RBM33: variants seen among roughly 807,000 people sequenced by gnomAD.
RBM33 encodes the protein RNA-binding protein 33.
A neutral mutation model predicts 132.6 loss-of-function variants in RBM33; 28 were observed. That is an observed-to-expected ratio of 0.21 (90% CI 0.16 to 0.29). The LOEUF (loss-of-function observed/expected upper bound fraction) is 0.29. Among genes scored for constraint, RBM33 ranks in the 10% least tolerant of loss-of-function variants. The pLI is 1.00. For synonymous variants in RBM33, 634 were observed against 593.0 expected (o/e 1.07, Z -1.01); for missense variants, 1,291 against 1,518.5 (o/e 0.85, Z 2.49).
intron 1 of RBM33, among the ~76,000 whole-genome samples, chr7:155,661,432 G>C (rs796348216): frequency 6.5e-4 from 92 of 140,516 alleles, no homozygotes; most frequent in African/African-American, 2.3e-3. Flanking sequence ...TTCCCAGACA[G>C]AGTCTTGCTC....
At chr7:155,662,809 T>A (rs1798690143) in intron 1 of RBM33, among the ~76,000 whole-genome samples, 2 of 148,162 alleles carry the variant, frequency 1.3e-5, no homozygotes, top group South Asian at 4.3e-4. Context: ...AATGGGTAGG[T>A]GGGGGTGGGA....
chr7:155,713,061 C>T (rs1800352882), intron 8 of RBM33, among the ~76,000 whole-genome samples: 1 of 151,902 alleles, frequency 6.6e-6, no homozygotes, highest in South Asian at 2.1e-4. Context: ...GAAGATGGGG[C>T]CGATGGGATT....
At chr7:155,668,150 G>A (rs1002134774) in intron 2 of RBM33, among the ~76,000 whole-genome samples, 2 of 151,902 alleles carry the variant, frequency 1.3e-5, no homozygotes, top group East Asian at 1.9e-4. Context: ...GTATGTAGAC[G>A]CATATATATC....
chr7:155,711,327 G>A lies in RBM33; in HGVS notation c.1073G>A (p.Gly358Glu). 1 of 1,605,222 alleles carries A rather than the reference G, an allele frequency of 6.2e-7. No homozygotes were observed. The highest frequency in any genetic ancestry group is 8.5e-7 in the Non-Finnish European group (1 of 1,176,216). The change falls in exon 8 of 18, where the codon GGA (glycine) becomes GAA (glutamate). Residue 358 changes from glycine to glutamate, a missense_variant. Gly to Glu is a moderately conservative substitution (Grantham distance 98, BLOSUM62 -2). Coordinates refer to ENST00000401878, the MANE Select transcript of RBM33 (RefSeq NM_053043.3). ...QHPHHPSPPQGMHMPPQLETP... is the reference protein window; with the variant it reads ...QHPHHPSPPQEMHMPPQLETP... The stretch of plus-strand genomic sequence containing the variant: ...CCGCACCACCCATCCCCGCCTCAGG[G>A]AATGCACATGCCTCCCCAGCTAGAG...
At chr7:155,704,394 C>G (rs776411153) in intron 6 of RBM33, among the ~76,000 whole-genome samples, 1 of 152,186 alleles carries the variant, frequency 6.6e-6, no homozygotes, top group Non-Finnish European at 1.5e-5. Context: ...TAATTCATTA[C>G]ATACAGAGGA....
intron 5 of RBM33, chr7:155,684,837 C>A: frequency 7.3e-7 from 1 of 1,363,338 alleles, no homozygotes; most frequent in Non-Finnish European, 9.9e-7. Flanking sequence ...AAACTTTCTA[C>A]AATTATTAAG....
intron 8 of RBM33, among the ~76,000 whole-genome samples, chr7:155,712,438 A>G (rs1800333428): frequency 6.6e-6 from 1 of 152,234 alleles, no homozygotes; most frequent in Non-Finnish European, 1.5e-5. Context: ...CAACCATGAT[A>G]TTACTTTCTA....
intron 1 of RBM33, among the ~76,000 whole-genome samples, chr7:155,654,257 A>G (rs1323941295): frequency 1.3e-5 from 2 of 152,118 alleles, no homozygotes; most frequent in Non-Finnish European, 2.9e-5. Flanking sequence ...TTCTAAATTG[A>G]CAGTTTCTGG....
intron 9 of RBM33, among the ~76,000 whole-genome samples, chr7:155,736,296 G>A (rs918153409): frequency 6.6e-6 from 1 of 152,222 alleles, no homozygotes; most frequent in Non-Finnish European, 1.5e-5. Flanking sequence ...GGGGTTGCAA[G>A]TGTGTGAGAA....
intron 11 of RBM33, 88 bp from the exon 12 acceptor site, chr7:155,739,627 T>A (rs1801247975): frequency 7.2e-7 from 1 of 1,389,086 alleles, no homozygotes; most frequent in Non-Finnish European, 9.5e-7. Context: ...TCCTTTCTTG[T>A]GTTGAGGTTT....
chr7:155,663,972 T>C (rs1174355154), intron 1 of RBM33, among the ~76,000 whole-genome samples: 1 of 152,214 alleles, frequency 6.6e-6, no homozygotes, highest in East Asian at 1.9e-4. Context: ...TCAAATTTAG[T>C]GTTCCAGCAA....
At chr7:155,726,134 C>G (rs1171232580) in intron 9 of RBM33, among the ~76,000 whole-genome samples, 1 of 152,106 alleles carries the variant, frequency 6.6e-6, no homozygotes, top group Non-Finnish European at 1.5e-5. Context: ...CTTTGTATTT[C>G]AAGTGGGATT....
rs537667335 is a variant in RBM33 at position 155,735,721 on chromosome 7, C to G, written c.1261-1809C>G. On this transcript the variant is annotated intron_variant, in intron 9 of 17. Transcript: ENST00000401878. ...TCTCTCTCTCTCTCTCTCTCTCTGT[C>G]TCTCTCTCTCTCTCTCTCTCCCTCT... Among the ~76,000 whole-genome samples, 870 of 131,464 alleles carry G rather than the reference C, an allele frequency of 6.6e-3. 14 individuals are homozygous for G. Among genetic ancestry groups the G allele is most frequent in the African/African-American group, 0.03 (814 of 27,020 alleles). The allele number at this position is 131,464 out of a possible 152,430, so 86.2% of individuals were successfully genotyped here.
At chr7:155,765,592 A>G (rs772901049) in intron 15 of RBM33, among the ~76,000 whole-genome samples, 7 of 152,130 alleles carry the variant, frequency 4.6e-5, no homozygotes, top group Non-Finnish European at 1.0e-4. Flanking sequence ...GAACTCCCCA[A>G]CAGGATTCGG....
chr7:155,763,812 G>A lies in RBM33; in HGVS notation c.2980G>A (p.Gly994Arg). 1 of 1,608,696 alleles carries A rather than the reference G, an allele frequency of 6.2e-7. No homozygotes were observed. Reference protein sequence around the residue: ...KVRVIKLSGGGGESDGFFHPE... With the variant: ...KVRVIKLSGGRGESDGFFHPE... Reference sequence around the variant, plus strand: ...CGTGCTGCCTTCTTGGTTTCAGCAGGGAGGAGAGAGCGATGGCTTTTTTCA... The same window carrying A: ...CGTGCTGCCTTCTTGGTTTCAGCAGAGAGGAGAGAGCGATGGCTTTTTTCA... Residue 994 changes from glycine (G) to arginine (R), a missense_variant and splice_region_variant, in exon 15 of 18, where the codon GGA becomes AGA. This residue lies in a region of RBM33 where 841 missense variants were observed against 912.0 expected (regional missense o/e 0.92). Coordinates refer to ENST00000401878, the MANE Select transcript of RBM33 (RefSeq NM_053043.3).
At chr7:155,736,100 T>C (rs1801117891) in intron 9 of RBM33, among the ~76,000 whole-genome samples, 1 of 152,238 alleles carries the variant, frequency 6.6e-6, no homozygotes, top group African/African-American at 2.4e-5. Flanking sequence ...TAGCCAACAA[T>C]CTTAAGGGTT....
At chr7:155,703,941 G>A (rs980449967) in intron 6 of RBM33, among the ~76,000 whole-genome samples, 1 of 152,068 alleles carries the variant, frequency 6.6e-6, no homozygotes. Context: ...TCTTATATGA[G>A]GTGTACTTTT....
At position 155,775,840 on chromosome 7, in the gene RBM33, C is replaced by A. The variant is rs1416242474; in HGVS notation, c.*799C>A. 2 of 152,300 alleles carry A rather than the reference C, an allele frequency of 1.3e-5. No homozygotes were observed. Among genetic ancestry groups the A allele is most frequent in the East Asian group, 3.8e-4 (2 of 5,200 alleles). The allele number at this position is 152,300 out of a possible 1,614,324, so 9.4% of individuals were successfully genotyped here. A position where few individuals can be genotyped will look rare whatever the true frequency, so the allele number is the denominator to read the frequency against. On this transcript the variant is annotated 3_prime_UTR_variant, in exon 18 of 18. Transcript: ENST00000401878. ...CACCACACATGAGGTGGTGGAATGGCCTGAAGGTGGAACAGACCTGTTTTT... is the reference window on the plus strand; with the variant it reads ...CACCACACATGAGGTGGTGGAATGGACTGAAGGTGGAACAGACCTGTTTTT...
At chr7:155,765,488 G>A (rs766671493) in intron 15 of RBM33, among the ~76,000 whole-genome samples, 3 of 152,070 alleles carry the variant, frequency 2.0e-5, no homozygotes, top group East Asian at 1.9e-4. Flanking sequence ...TTTTGTGTGC[G>A]TGCACACTCA....
Sources: allele counts gnomAD v4.1 joint callset (sites outside exome capture counted in the v4.1 genomes callset), GRCh38; gene constraint gnomAD v4.1.1; regional missense constraint gnomAD v4.1.1; transcripts MANE v1.5; gene names NCBI Gene and HGNC (gene_info 2026-07-23, HGNC 2026-07-21).